LARGE1: variants seen among roughly 807,000 people sequenced by gnomAD.
LARGE1 encodes LARGE xylosyl- and glucuronyltransferase 1.
Under a neutral mutation model 87.6 loss-of-function variants are expected in LARGE1, and 43 were observed. That is an observed-to-expected ratio of 0.49 (90% CI 0.38 to 0.63). The LOEUF (loss-of-function observed/expected upper bound fraction) is 0.63, where lower values mean the gene tolerates loss of function less well. Ranked by LOEUF, LARGE1 falls within the 30% of genes least tolerant of loss-of-function variation. The pLI is 0.00. For synonymous variants in LARGE1, 434 were observed against 394.6 expected (o/e 1.10, Z -1.18); for missense variants, 802 against 1,000.2 (o/e 0.80, Z 2.67).
At chr22:33,915,062 G>GAGAC (rs1555892474) in intron 1 of LARGE1, among the ~76,000 whole-genome samples, 1 of 150,946 alleles carries the variant, frequency 6.6e-6, no homozygotes, top group East Asian at 2.0e-4. Context: ...GAGAGAGAGA[G>GAGAC]AGGCTTCTAA....
intron 6 of LARGE1, among the ~76,000 whole-genome samples, chr22:33,543,026 T>C (rs1377507250): frequency 1.3e-5 from 2 of 152,202 alleles, no homozygotes; most frequent in African/African-American, 4.8e-5. Flanking sequence ...CCTACATGTG[T>C]GCATGTAAGT....
intron 3 of LARGE1, among the ~76,000 whole-genome samples, chr22:33,646,377 T>C (rs756931364): frequency 2.0e-5 from 3 of 151,344 alleles, no homozygotes; most frequent in South Asian, 4.2e-4. Context: ...TAAGTGGGAG[T>C]TGAACAATGA....
chr22:33,555,677 C>T (rs757264379), intron 6 of LARGE1, among the ~76,000 whole-genome samples: 13 of 152,076 alleles, frequency 8.5e-5, no homozygotes, highest in Non-Finnish European at 1.8e-4. Flanking sequence ...GCTTGTAATC[C>T]TAGCACTTTG....
chr22:33,813,894 A>G (rs2086574193), intron 1 of LARGE1, among the ~76,000 whole-genome samples: 1 of 152,226 alleles, frequency 6.6e-6, no homozygotes, highest in Non-Finnish European at 1.5e-5. Context: ...CAAACATGCA[A>G]GGAGGGAAAC....
At chr22:33,070,337 G>T in the LARGE1 span, among the ~76,000 whole-genome samples, 1 of 152,142 alleles carries the variant, frequency 6.6e-6, no homozygotes, top group African/African-American at 2.4e-5. Context: ...ATAGAACAAT[G>T]GTTTGCAACC....
chr22:33,811,490 T>C (rs2086492165), intron 1 of LARGE1, among the ~76,000 whole-genome samples: 1 of 152,120 alleles, frequency 6.6e-6, no homozygotes, highest in Non-Finnish European at 1.5e-5. Context: ...CAACAAAACC[T>C]GAGTCTTGAA....
At chr22:33,893,515 T>A (rs905854046) in intron 1 of LARGE1, among the ~76,000 whole-genome samples, 1 of 152,122 alleles carries the variant, frequency 6.6e-6, no homozygotes, top group Middle Eastern at 3.2e-3. Flanking sequence ...CAAACGGTGA[T>A]GCTATAGGAA....
At chr22:33,244,977 A>C (rs1243729197) in intron 11 of LARGE1, among the ~76,000 whole-genome samples, 2 of 152,198 alleles carry the variant, frequency 1.3e-5, no homozygotes, top group Non-Finnish European at 2.9e-5. Context: ...GATAAAAATA[A>C]AAAATATAAA....
chr22:33,134,505 C>T, the LARGE1 span, among the ~76,000 whole-genome samples: 3 of 152,190 alleles, frequency 2.0e-5, no homozygotes, highest in Admixed American at 6.5e-5. Context: ...GATCCGCCCG[C>T]CTCGGCCTCC....
intron 11 of LARGE1, among the ~76,000 whole-genome samples, chr22:33,195,243 A>T (rs867196657): frequency 6.6e-6 from 1 of 152,164 alleles, no homozygotes; most frequent in Non-Finnish European, 1.5e-5. Context: ...ACAACTCCAT[A>T]ATTAGAGTAA....
In LARGE1 at chr22:33,766,549, C is replaced by T. The variant is rs533346949; in HGVS notation, c.-82-4991G>A. On this transcript the variant is annotated intron_variant, in intron 1 of 14. Coordinates refer to ENST00000397394, the MANE Select transcript of LARGE1 (RefSeq NM_133642.5). ...CACGCATTCTCCTGCCTCAGCCTCC[C>T]GAATAGCTGGGATTACAGGTGCCAG... Among the ~76,000 whole-genome samples the T allele has an allele frequency of 2.0e-5, 3 of 152,160 alleles. No individual in the cohort carries two copies. In the East Asian group the frequency reaches 5.8e-4, roughly 29 times the overall value.
intron 1 of LARGE1, among the ~76,000 whole-genome samples, chr22:33,806,116 C>A (rs1427349273): frequency 6.6e-6 from 1 of 152,208 alleles, no homozygotes; most frequent in Non-Finnish European, 1.5e-5. Context: ...CTCCCAGCCC[C>A]TGGTAATAAC....
chr22:33,859,913 G>A (rs1188586447), intron 1 of LARGE1, among the ~76,000 whole-genome samples: 1 of 152,146 alleles, frequency 6.6e-6, no homozygotes, highest in Non-Finnish European at 1.5e-5. Context: ...CTCATATAAA[G>A]TACCTGGAGG....
At chr22:33,216,093 G>A (rs1440537657) in intron 11 of LARGE1, among the ~76,000 whole-genome samples, 1 of 152,174 alleles carries the variant, frequency 6.6e-6, no homozygotes, top group Admixed American at 6.5e-5. Flanking sequence ...GCCTTTTACA[G>A]AATACTCCTT....
chr22:33,915,040 CACAG>C (rs1361830603), intron 1 of LARGE1, among the ~76,000 whole-genome samples: 16 of 91,650 alleles, frequency 1.7e-4, no homozygotes, highest in Admixed American at 4.6e-4. Context: ...CACACACACA[CACAG>C]AGAGAGAGAG....
intron 7 of LARGE1, among the ~76,000 whole-genome samples, chr22:33,427,556 T>C (rs1181133237): frequency 1.3e-5 from 2 of 152,206 alleles, no homozygotes; most frequent in African/African-American, 4.8e-5. Context: ...ACAAAGCCCA[T>C]GCACGCTATG....
intron 11 of LARGE1, among the ~76,000 whole-genome samples, chr22:33,167,275 A>G (rs746853949): frequency 1.8e-4 from 27 of 152,166 alleles, no homozygotes; most frequent in Non-Finnish European, 3.4e-4. Flanking sequence ...AAAAAGTCTT[A>G]ATTATAGCCC....
intron 11 of LARGE1, among the ~76,000 whole-genome samples, chr22:33,216,105 C>T (rs1048041798): frequency 1.3e-5 from 2 of 152,204 alleles, no homozygotes; most frequent in Non-Finnish European, 2.9e-5. Flanking sequence ...ATACTCCTTC[C>T]TTCCTGCATT....
At chr22:33,096,027 CT>C in the LARGE1 span, among the ~76,000 whole-genome samples, 1 of 152,178 alleles carries the variant, frequency 6.6e-6, no homozygotes, top group African/African-American at 2.4e-5. Context: ...CTTCCTGCGT[CT>C]AGGCATAGAA....
Sources: allele counts gnomAD v4.1 joint callset (sites outside exome capture counted in the v4.1 genomes callset), GRCh38; gene constraint gnomAD v4.1.1; transcripts MANE v1.5; gene names NCBI Gene and HGNC (gene_info 2026-07-23, HGNC 2026-07-21).